Variants in SLC25A13 observed in about 807,000 individuals in gnomAD.
SLC25A13 encodes the protein solute carrier family 25 member 13.
Under a neutral mutation model 85.5 loss-of-function variants are expected in SLC25A13, and 70 were observed. The observed-to-expected ratio is 0.82, with a 90% CI of 0.68 to 1.00. The LOEUF is 1.00. SLC25A13 is among the 50% of genes least tolerant of loss of function. The pLI, the probability that SLC25A13 is intolerant of heterozygous loss-of-function variation, is 0.00. For synonymous variants in SLC25A13, 259 were observed against 288.7 expected, an observed-to-expected ratio of 0.90 and a Z score of 1.04; for missense variants, 765 against 819.8, an observed-to-expected ratio of 0.93 and a Z score of 0.82.
chr7:96,300,807 A>G (rs1198826683), intron 1 of SLC25A13, among the ~76,000 whole-genome samples: 1 of 152,190 alleles, frequency 6.6e-6, no homozygotes, highest in Non-Finnish European at 1.5e-5. Context: ...ATGGTTCAAC[A>G]GGGGATGGAT....
chr7:96,294,048 A>T (rs1174372787), intron 2 of SLC25A13, among the ~76,000 whole-genome samples: 1 of 152,226 alleles, frequency 6.6e-6, no homozygotes, highest in Non-Finnish European at 1.5e-5. Context: ...CATCAATGAT[A>T]GACTGGATTA....
intron 5 of SLC25A13, among the ~76,000 whole-genome samples, chr7:96,206,208 A>T (rs1189796322): frequency 6.6e-6 from 1 of 152,190 alleles, no homozygotes; most frequent in East Asian, 1.9e-4. Context: ...GCTTGTTCAC[A>T]TTTCAAGCAA....
intron 13 of SLC25A13, among the ~76,000 whole-genome samples, chr7:96,158,524 G>T (rs950235536): frequency 2.8e-4 from 42 of 152,296 alleles, no homozygotes; most frequent in African/African-American, 9.9e-4. Context: ...TGTATATGAA[G>T]AATATGTATC....
chr7:96,319,863 G>C (rs1189314765), intron 1 of SLC25A13, among the ~76,000 whole-genome samples: 1 of 152,110 alleles, frequency 6.6e-6, no homozygotes, highest in East Asian at 1.9e-4. Context: ...CTCCCAAGTA[G>C]TAAAAATGAA....
chr7:96,197,418 A>G (rs1040641209), intron 5 of SLC25A13, among the ~76,000 whole-genome samples: 2 of 152,234 alleles, frequency 1.3e-5, no homozygotes, highest in East Asian at 3.9e-4. Flanking sequence ...TCCTGGCCTC[A>G]CTCCCTTTTT....
chr7:96,192,373 C>T (rs1313614712), intron 6 of SLC25A13, among the ~76,000 whole-genome samples: 2 of 152,158 alleles, frequency 1.3e-5, no homozygotes, highest in African/African-American at 4.8e-5. Context: ...ACCTCATCGC[C>T]TATAGATGGT....
At chr7:96,187,588 A>G (rs1794687186) in intron 9 of SLC25A13, among the ~76,000 whole-genome samples, 1 of 152,204 alleles carries the variant, frequency 6.6e-6, no homozygotes, top group Non-Finnish European at 1.5e-5. Context: ...CAAAATAATG[A>G]GTGAAAATAC....
chr7:96,257,111 C>T (rs867799529), intron 3 of SLC25A13, among the ~76,000 whole-genome samples: 6 of 152,146 alleles, frequency 3.9e-5, no homozygotes, highest in Non-Finnish European at 5.9e-5. Flanking sequence ...TAGGAAAAGG[C>T]GGGAAAGATC....
At chr7:96,192,501 C>T (rs1053659912) in intron 6 of SLC25A13, among the ~76,000 whole-genome samples, 1 of 152,040 alleles carries the variant, frequency 6.6e-6, no homozygotes, top group Non-Finnish European at 1.5e-5. Flanking sequence ...CAGGACATCC[C>T]CAGGGCCCAT....
chr7:96,180,779 C>T (rs1247691697), intron 11 of SLC25A13, among the ~76,000 whole-genome samples: 1 of 152,200 alleles, frequency 6.6e-6, no homozygotes, highest in African/African-American at 2.4e-5. Context: ...ACATTAAGAG[C>T]ATTTAATTAT....
chr7:96,304,602 G>A (rs984734997), intron 1 of SLC25A13, among the ~76,000 whole-genome samples: 4 of 152,090 alleles, frequency 2.6e-5, no homozygotes, highest in Non-Finnish European at 5.9e-5. Flanking sequence ...TGCTAGATGG[G>A]AGTAGCAACC....
chr7:96,202,191 A>ACT (rs1795282357), intron 5 of SLC25A13, among the ~76,000 whole-genome samples: 1 of 152,086 alleles, frequency 6.6e-6, no homozygotes, highest in Non-Finnish European at 1.5e-5. Flanking sequence ...TTATCACGGG[A>ACT]CTCGTGATCT....
intron 15 of SLC25A13, among the ~76,000 whole-genome samples, chr7:96,126,575 C>T (rs1203811930): frequency 2.0e-5 from 3 of 152,166 alleles, no homozygotes; most frequent in African/African-American, 7.2e-5. Flanking sequence ...CCTCCACCTC[C>T]ACCCCAGGCA....
intron 12 of SLC25A13, among the ~76,000 whole-genome samples, chr7:96,170,425 T>C (rs1793948808): frequency 6.6e-6 from 1 of 152,160 alleles, no homozygotes; most frequent in South Asian, 2.1e-4. Flanking sequence ...ACACTGACAA[T>C]AGTGACAAAA....
chr7:96,140,397 CTTTTTTTT>C (rs59863233), intron 14 of SLC25A13, among the ~76,000 whole-genome samples: 2 of 88,126 alleles, frequency 2.3e-5, no homozygotes, highest in African/African-American at 5.1e-5. Flanking sequence ...CAAGGATCTC[CTTTTTTTT>C]TTTTTTTTTT....
At chr7:96,262,519 G>GC (rs1554369787) in intron 3 of SLC25A13, among the ~76,000 whole-genome samples, 1 of 85,792 alleles carries the variant, frequency 1.2e-5, no homozygotes, top group Admixed American at 1.2e-4. Flanking sequence ...CTACTCCTCA[G>GC]TTTAAAAAAA....
At chr7:96,309,596 T>C (rs1365331616) in intron 1 of SLC25A13, 3 of 152,208 alleles carry the variant, frequency 2.0e-5, no homozygotes, top group Admixed American at 6.5e-5. Flanking sequence ...GCCAAGTAAA[T>C]GGACAATTCA....
chr7:96,170,750 T>C (rs112564607), intron 12 of SLC25A13, among the ~76,000 whole-genome samples: 45 of 152,256 alleles, frequency 3.0e-4, no homozygotes, highest in African/African-American at 8.7e-4. Flanking sequence ...CATAACAAAA[T>C]GGTAAAAGAA....
intron 5 of SLC25A13, among the ~76,000 whole-genome samples, chr7:96,200,496 G>A (rs1353332119): frequency 6.6e-6 from 1 of 152,140 alleles, no homozygotes; most frequent in Non-Finnish European, 1.5e-5. Context: ...AAAATAGGTA[G>A]AGAGATAAGT....
Sources: gnomAD v4.1 joint callset for allele counts (sites outside exome capture counted in the v4.1 genomes callset) on GRCh38, gnomAD v4.1.1 for gene constraint, MANE v1.5 for transcripts, NCBI Gene and HGNC (gene_info 2026-07-23, HGNC 2026-07-21) for gene names.